The following PRKDC variants were observed in gnomAD, a reference collection of about 807,000 sequenced individuals.
PRKDC encodes the protein protein kinase, DNA-activated, catalytic subunit.
PRKDC carries 82 observed loss-of-function variants against 486.9 expected under a neutral mutation model. The ratio of observed to expected loss-of-function variants is 0.17; its 90% CI spans 0.14 to 0.20. The LOEUF is 0.20. PRKDC is among the 10% of genes least tolerant of loss of function. PRKDC has a pLI of 1.00. For synonymous variants in PRKDC, 1,895 were observed against 1,837.0 expected, an observed-to-expected ratio of 1.03 and a Z score of -0.81; for missense variants, 4,504 against 5,038.2, an observed-to-expected ratio of 0.89 and a Z score of 3.21.
rs2086939430 is a variant in PRKDC, at chr8:47,794,286, C to T, written c.10670+4G>A. The T allele has an allele frequency of 6.2e-7, 1 of 1,604,950 alleles. No individual in the cohort carries two copies. The highest frequency in any genetic ancestry group is 1.3e-5 in the African/African-American group (1 of 74,764). ...CAACCTATTCCTTCTGTAATATTAC[C>T]TACCTTGCCACAAACTCCTTATTCT... On this transcript the variant is annotated splice_donor_region_variant and intron_variant, in intron 74 of 85. Coordinates refer to ENST00000314191, the MANE Select transcript of PRKDC (RefSeq NM_006904.7).
chr8:47,927,400 G>A (rs1238861250), intron 20 of PRKDC, 47 bp from the exon 21 acceptor site: 2 of 1,547,344 alleles, frequency 1.3e-6, no homozygotes, highest in South Asian at 1.2e-5. Context: ...GGAAATATAA[G>A]ATTTAGAGGA....
At chr8:47,901,517 C>T (rs540215087) in intron 27 of PRKDC, among the ~76,000 whole-genome samples, 3 of 152,200 alleles carry the variant, frequency 2.0e-5, no homozygotes, top group East Asian at 3.9e-4. Flanking sequence ...AACCATGAAA[C>T]AACCTAAAAC....
At chr8:47,778,264 G>C (rs1350284131) in intron 83 of PRKDC, among the ~76,000 whole-genome samples, 195 bp downstream of exon 83, 1 of 152,130 alleles carries the variant, frequency 6.6e-6, no homozygotes, top group East Asian at 1.9e-4. Flanking sequence ...TGATATCACT[G>C]ATCACCATGA....
intron 77 of PRKDC, 117 bp from the exon 78 acceptor site, chr8:47,783,926 T>A: frequency 9.5e-7 from 1 of 1,047,734 alleles, no homozygotes. Flanking sequence ...AACCTTTTAC[T>A]GAAAAGTTTT....
At chr8:47,861,971 T>G (rs1377698831) in intron 44 of PRKDC, 91 bp downstream of exon 44, 1 of 1,061,228 alleles carries the variant, frequency 9.4e-7, no homozygotes, top group Non-Finnish European at 1.4e-6. Flanking sequence ...GAAAGCCGAC[T>G]TGAATATTGG....
intron 40 of PRKDC, among the ~76,000 whole-genome samples, chr8:47,867,799 C>A (rs1215958112): frequency 6.6e-6 from 1 of 152,104 alleles, no homozygotes; most frequent in Non-Finnish European, 1.5e-5. Context: ...GGCTCTCTGG[C>A]CTTGTTCCCA....
At chr8:47,831,755 G>T in intron 60 of PRKDC, 59 bp downstream of exon 60, 1 of 1,556,452 alleles carries the variant, frequency 6.4e-7, no homozygotes, top group Non-Finnish European at 8.9e-7. Flanking sequence ...TGTTCACTTC[G>T]TCTGTATCCT....
chr8:47,857,110 T>C lies in PRKDC; in HGVS notation c.6609+46A>G, dbSNP rs573490301. The C allele has an allele frequency of 1.0e-5, 16 of 1,582,094 alleles. No homozygotes were observed. The East Asian group carries it at 1.1e-4, about 11-fold the overall frequency. ...TATGTGTCATAGGCTCTATAGGCTA[T>C]TGGCAAAGGATAATATATTAACATA... On this transcript the variant is annotated intron_variant, in intron 49 of 85. Transcript: ENST00000314191.
chr8:47,813,859 C>T (rs2087385023), intron 68 of PRKDC, among the ~76,000 whole-genome samples: 1 of 152,180 alleles, frequency 6.6e-6, no homozygotes, highest in Admixed American at 6.5e-5. Flanking sequence ...GAGGCATAAG[C>T]CACCACGCCT....
chr8:47,952,481 T>C (rs1158517539), intron 7 of PRKDC, among the ~76,000 whole-genome samples: 1 of 152,192 alleles, frequency 6.6e-6, no homozygotes, highest in Non-Finnish European at 1.5e-5. Flanking sequence ...ACTATGGCTC[T>C]AAGTCAGTAG....
chr8:47,859,722 T>G lies in PRKDC; in HGVS notation c.6096A>C (p.Ala2032=). 1 of 1,613,558 alleles carries G rather than the reference T, an allele frequency of 6.2e-7. No individual in the cohort carries two copies. Among genetic ancestry groups the G allele is most frequent in the South Asian group, 1.1e-5 (1 of 91,070 alleles). ...TCATTTCCTCACTCAGGGTACTGTC[T>G]GCCAAATATGACAGGGAAGACATAT... ...PSYMSSLSYL[A]DSTLSEEMSQ... The change falls in exon 46 of 86, where the codon GCA becomes GCC. Residue 2032 remains alanine, a synonymous_variant. Coordinates refer to ENST00000314191, the MANE Select transcript of PRKDC (RefSeq NM_006904.7).
At chr8:47,831,066 GT>G (rs1353413734) in intron 60 of PRKDC, among the ~76,000 whole-genome samples, 1 of 152,246 alleles carries the variant, frequency 6.6e-6, no homozygotes, top group African/African-American at 2.4e-5. Flanking sequence ...CCGGCAGCCG[GT>G]CCCCACTTCC....
chr8:47,859,432 G>C (rs1022440304), intron 46 of PRKDC, among the ~76,000 whole-genome samples, 179 bp downstream of exon 46: 3 of 152,204 alleles, frequency 2.0e-5, no homozygotes, highest in African/African-American at 7.2e-5. Flanking sequence ...TCTGACTGCT[G>C]AGTCTACAGA....
intron 1 of PRKDC, 55 bp from the exon 2 acceptor site, chr8:47,957,486 C>T: frequency 7.2e-7 from 1 of 1,386,746 alleles, no homozygotes; most frequent in Non-Finnish European, 1.0e-6. Flanking sequence ...ATCATGTAAA[C>T]CACTCCTAAA....
intron 60 of PRKDC, 42 bp from the exon 61 acceptor site, chr8:47,830,778 T>C (rs774341512): frequency 1.9e-5 from 31 of 1,612,300 alleles, no homozygotes; most frequent in Middle Eastern, 1.6e-4. Flanking sequence ...GCATTCTCAT[T>C]GAAGGAAACT....
intron 7 of PRKDC, among the ~76,000 whole-genome samples, chr8:47,950,408 G>C (rs1363179763): frequency 1.3e-5 from 2 of 151,932 alleles, no homozygotes; most frequent in Non-Finnish European, 2.9e-5. Context: ...GGCAGATCAC[G>C]AGGTGAGGAG....
rs1271452195 is a variant in PRKDC, at chr8:47,826,813, C to T, written c.8626G>A (p.Val2876Ile). 5 of 1,606,296 alleles carry T rather than the reference C, an allele frequency of 3.1e-6. No homozygotes were observed. The highest frequency in any genetic ancestry group is 3.3e-4 in the Middle Eastern group (2 of 6,036). Residue 2876 changes from valine (V) to isoleucine (I), a missense_variant, in exon 63 of 86, where the codon GTT becomes ATT. Coordinates refer to ENST00000314191, the MANE Select transcript of PRKDC (RefSeq NM_006904.7). ...AGGCTGGCCAGGCAACCAGCGCTAA[C>T]AGCCGCTGGGTCGAGGCTCAGCAGG... Reference protein sequence around the residue: ...AALLSLDPAAVSAGCLASLQQ... With the variant: ...AALLSLDPAAISAGCLASLQQ...
chr8:47,922,581 A>T (rs1233692436), intron 21 of PRKDC, among the ~76,000 whole-genome samples: 2 of 151,898 alleles, frequency 1.3e-5, no homozygotes, highest in African/African-American at 4.8e-5. Context: ...GGTACGTGGG[A>T]TTACAGGTGT....
Position 47,893,137 on chromosome 8 carries a change from A to C in PRKDC, c.3847+2T>G. ...CACCAGAATAAGGCAAGGGTGACCT[A>C]CCTAGGACCTGGAGCGCTCCTACAG... On this transcript the variant is annotated splice_donor_variant, in intron 31 of 85. Transcript: ENST00000314191. LOFTEE classifies it high-confidence loss of function. 1 of 1,594,728 alleles carries C rather than the reference A, an allele frequency of 6.3e-7. No homozygotes were observed. The highest frequency in any genetic ancestry group is 8.6e-7 in the Non-Finnish European group (1 of 1,165,728).
Sources: allele counts gnomAD v4.1 joint callset (sites outside exome capture counted in the v4.1 genomes callset), GRCh38; gene constraint gnomAD v4.1.1; transcripts MANE v1.5; gene names NCBI Gene and HGNC (gene_info 2026-07-23, HGNC 2026-07-21).